Variants in PPP3R1 observed in about 807,000 individuals in gnomAD.
PPP3R1 encodes the protein calcineurin subunit B type 1.
Under a neutral mutation model 22.6 loss-of-function variants are expected in PPP3R1, and 5 were observed. The ratio of observed to expected loss-of-function variants is 0.22; its 90% CI spans 0.12 to 0.46. The LOEUF (loss-of-function observed/expected upper bound fraction) is 0.46, where lower values mean the gene tolerates loss of function less well. Ranked by LOEUF, PPP3R1 falls within the 20% of genes least tolerant of loss-of-function variation. PPP3R1 has a pLI of 0.99. For synonymous variants in PPP3R1, 56 were observed against 65.2 expected, an observed-to-expected ratio of 0.86 and a Z score of 0.68; for missense variants, 61 against 203.2, an observed-to-expected ratio of 0.30 and a Z score of 4.25.
intron 1 of PPP3R1, among the ~76,000 whole-genome samples, chr2:68,218,384 G>C (rs775103419): frequency 1.8e-4 from 27 of 151,872 alleles, no homozygotes; most frequent in Non-Finnish European, 2.6e-4. Context: ...TCTTTTTCTT[G>C]CAAGTTATAG....
intron 1 of PPP3R1, among the ~76,000 whole-genome samples, chr2:68,232,267 A>G (rs7596291): frequency 0.067 from 910 of 13,602 alleles, 1 homozygote; most frequent in African/African-American, 0.25. Context: ...GTGTGTGTGT[A>G]TATATATATA....
chr2:68,216,394 G>A (rs1018036793), intron 2 of PPP3R1, among the ~76,000 whole-genome samples: 1 of 151,666 alleles, frequency 6.6e-6, no homozygotes, highest in Non-Finnish European at 1.5e-5. Context: ...TTCAGTCAGA[G>A]AATCACCCCT....
chr2:68,196,086 G>A (rs12052801), intron 2 of PPP3R1, among the ~76,000 whole-genome samples: 113,370 of 151,948 alleles, frequency 0.75, 43,322 homozygotes, highest in African/African-American at 0.93. Context: ...TCTTAGAGGT[G>A]TTTTGGAAAA....
At chr2:68,224,434 G>A (rs1418278663) in intron 1 of PPP3R1, among the ~76,000 whole-genome samples, 2 of 152,298 alleles carry the variant, frequency 1.3e-5, no homozygotes, top group East Asian at 3.9e-4. Flanking sequence ...GCCGAGGCGA[G>A]TGGATCACTT....
At chr2:68,235,533 T>C (rs951142166) in intron 1 of PPP3R1, among the ~76,000 whole-genome samples, 1 of 152,202 alleles carries the variant, frequency 6.6e-6, no homozygotes, top group Non-Finnish European at 1.5e-5. Context: ...TTGTAACAAG[T>C]ATCAACACAC....
Position 68,180,878 on chromosome 2 carries a change from ACAGAGAGC to A in PPP3R1, c.*77_*84del. 7.4e-7 allele frequency: 1 copy of A among 1,351,572 alleles called. No individual in the cohort carries two copies. The highest frequency in any genetic ancestry group is 1.2e-5 in the South Asian group (1 of 81,662). 83.7% of individuals were successfully genotyped at this position (1,351,572 alleles called of 1,614,324 possible). On this transcript the variant is annotated 3_prime_UTR_variant, in exon 6 of 6. Coordinates refer to ENST00000234310, the MANE Select transcript of PPP3R1 (RefSeq NM_000945.4). ...GAGAAAAATACTTCCATTTAAATAC[ACAGAGAGC>A]ATTGCTGGACGTCTTGAGCAGATCT...
intron 1 of PPP3R1, among the ~76,000 whole-genome samples, chr2:68,249,918 G>C (rs1670310979): frequency 6.6e-6 from 1 of 152,128 alleles, no homozygotes; most frequent in Admixed American, 6.5e-5. Flanking sequence ...ATTTTCCAAA[G>C]GGTGTGAAAG....
chr2:68,220,282 G>C (rs969351515), intron 1 of PPP3R1, among the ~76,000 whole-genome samples: 3 of 152,168 alleles, frequency 2.0e-5, no homozygotes, highest in African/African-American at 7.2e-5. Flanking sequence ...GAGTACTTCA[G>C]AAAAGGGAGA....
chr2:68,249,383 G>A (rs1273007096), intron 1 of PPP3R1, among the ~76,000 whole-genome samples: 1 of 151,762 alleles, frequency 6.6e-6, no homozygotes, highest in Non-Finnish European at 1.5e-5. Flanking sequence ...GTTATAGACG[G>A]CAATAAATTT....
chr2:68,246,992 G>A (rs1202855231), intron 1 of PPP3R1, among the ~76,000 whole-genome samples: 2 of 149,314 alleles, frequency 1.3e-5, no homozygotes, highest in African/African-American at 5.0e-5. Flanking sequence ...GTCTTGCTCT[G>A]TCACCCAGGC....
chr2:68,248,889 G>A (rs1249663962), intron 1 of PPP3R1, among the ~76,000 whole-genome samples: 1 of 152,012 alleles, frequency 6.6e-6, no homozygotes, highest in Non-Finnish European at 1.5e-5. Context: ...CTTACTTCAC[G>A]GTTACTGCCA....
chr2:68,187,076 T>TGAATA lies in PPP3R1; in HGVS notation c.280+178_280+179insTATTC, dbSNP rs552283471. Among the ~76,000 whole-genome samples, 403 of 152,344 alleles carry TGAATA rather than the reference T, an allele frequency of 2.6e-3. 1 individual carries two copies. Among genetic ancestry groups the TGAATA allele is most frequent in the African/African-American group, 9.3e-3 (388 of 41,574 alleles). On this transcript the variant is annotated intron_variant, in intron 4 of 5. Coordinates refer to ENST00000234310, the MANE Select transcript of PPP3R1 (RefSeq NM_000945.4). ...CCAACTAAAAGCAGCAATGACACAT[T>TGAATA]ATTCAAATATAGTAGTTGGAAATGT...
chr2:68,192,529 A>C (rs1674687720), intron 2 of PPP3R1, among the ~76,000 whole-genome samples: 1 of 152,176 alleles, frequency 6.6e-6, no homozygotes, highest in Admixed American at 6.5e-5. Context: ...GTTTATCAAG[A>C]AACTGAAATT....
At chr2:68,207,193 A>G (rs1015671361) in intron 2 of PPP3R1, among the ~76,000 whole-genome samples, 8 of 148,876 alleles carry the variant, frequency 5.4e-5, no homozygotes, top group African/African-American at 1.8e-4. Flanking sequence ...TTTTTGGGAA[A>G]TTGATCCAAA....
In PPP3R1 at chr2:68,187,871, AC is replaced by A. The variant is rs1267690069; in HGVS notation, c.221-558del. Among the ~76,000 whole-genome samples, 9 of 65,990 alleles carry A rather than the reference AC, an allele frequency of 1.4e-4. No homozygotes were observed. In the African/African-American group the frequency reaches 1.4e-3, roughly 10 times the overall value. 43.3% of individuals were successfully genotyped at this position (65,990 alleles called of 152,430 possible). A position where few individuals can be genotyped will look rare whatever the true frequency, so the allele number is the denominator to read the frequency against. On this transcript the variant is annotated intron_variant, in intron 3 of 5. Coordinates refer to ENST00000234310, the MANE Select transcript of PPP3R1 (RefSeq NM_000945.4). The stretch of plus-strand genomic sequence containing the variant: ...AATGTTTATTTACTTGTTAAAACAA[AC>A]AAAAAAAAAAACTGGCTTGGCGCGG...
At chr2:68,241,561 C>T (rs1473338464) in intron 1 of PPP3R1, among the ~76,000 whole-genome samples, 1 of 152,116 alleles carries the variant, frequency 6.6e-6, no homozygotes, top group African/African-American at 2.4e-5. Flanking sequence ...AGATTACTGA[C>T]AATGTGGCCG....
chr2:68,188,333 CCA>C (rs1227692272), intron 3 of PPP3R1, among the ~76,000 whole-genome samples, 179 bp downstream of exon 3: 1 of 151,966 alleles, frequency 6.6e-6, no homozygotes, highest in Non-Finnish European at 1.5e-5. Flanking sequence ...CATTTATGAA[CCA>C]CAGAGTAAAA....
At chr2:68,248,512 A>G (rs1670279508) in intron 1 of PPP3R1, among the ~76,000 whole-genome samples, 1 of 152,220 alleles carries the variant, frequency 6.6e-6, no homozygotes, top group Non-Finnish European at 1.5e-5. Context: ...CTCAAAGTTC[A>G]GCCTATATCA....
At chr2:68,189,740 G>A (rs571988467) in intron 2 of PPP3R1, among the ~76,000 whole-genome samples, 52 of 152,052 alleles carry the variant, frequency 3.4e-4, no homozygotes, top group African/African-American at 1.1e-3. Context: ...ATGGTGGCAC[G>A]CACCTCTAAT....
Sources: allele counts gnomAD v4.1 joint callset (sites outside exome capture counted in the v4.1 genomes callset), GRCh38; gene constraint gnomAD v4.1.1; transcripts MANE v1.5; gene names NCBI Gene and HGNC (gene_info 2026-07-23, HGNC 2026-07-21).